Variants in NKAIN3 observed in about 807,000 individuals in gnomAD.
The protein encoded by NKAIN3 is sodium/potassium-transporting ATPase subunit beta-1-interacting protein 3.
NKAIN3 carries 25 observed loss-of-function variants against 30.2 expected under a neutral mutation model. That is an observed-to-expected ratio of 0.83 (90% CI 0.60 to 1.16). The LOEUF is 1.16. Ranked by LOEUF, NKAIN3 falls within the 50% of genes most tolerant of loss-of-function variation. NKAIN3 has a pLI of 0.00. For missense variants in NKAIN3, 225 were observed against 254.1 expected, an observed-to-expected ratio of 0.89 and a Z score of 0.78; for synonymous variants, 91 against 89.6, an observed-to-expected ratio of 1.02 and a Z score of -0.09.
At chr8:62,831,110 A>G (rs1819183095) in intron 4 of NKAIN3, among the ~76,000 whole-genome samples, 1 of 152,206 alleles carries the variant, frequency 6.6e-6, no homozygotes, top group Non-Finnish European at 1.5e-5. Flanking sequence ...AGTTTGAGTT[A>G]CACAGCCCAA....
chr8:62,959,150 A>C (rs904144188), intron 6 of NKAIN3, among the ~76,000 whole-genome samples: 4 of 152,162 alleles, frequency 2.6e-5, no homozygotes. Context: ...CTGCTATTGC[A>C]ACTAGGTACT....
intron 3 of NKAIN3, among the ~76,000 whole-genome samples, chr8:62,679,281 T>C (rs753640005): frequency 2.0e-5 from 3 of 152,042 alleles, no homozygotes; most frequent in African/African-American, 4.8e-5. Flanking sequence ...ATGCTTCCCA[T>C]ACAGAAGTAA....
chr8:62,271,651 T>A (rs947905646), intron 1 of NKAIN3, among the ~76,000 whole-genome samples: 5 of 152,058 alleles, frequency 3.3e-5, no homozygotes, highest in African/African-American at 9.7e-5. Flanking sequence ...ATATGAAGGG[T>A]CTCATTGGTG....
At chr8:62,723,773 T>C (rs968985454) in intron 3 of NKAIN3, among the ~76,000 whole-genome samples, 2 of 152,106 alleles carry the variant, frequency 1.3e-5, no homozygotes, top group Non-Finnish European at 2.9e-5. Flanking sequence ...CACAAGGATA[T>C]ATCTGATTCT....
intron 1 of NKAIN3, among the ~76,000 whole-genome samples, chr8:62,424,575 A>G (rs530076696): frequency 3.9e-5 from 6 of 152,078 alleles, no homozygotes; most frequent in African/African-American, 1.2e-4. Flanking sequence ...CATCAGGGAA[A>G]TGCAAACCAA....
At chr8:62,904,479 T>C (rs1821717329) in intron 4 of NKAIN3, among the ~76,000 whole-genome samples, 1 of 152,206 alleles carries the variant, frequency 6.6e-6, no homozygotes, top group Admixed American at 6.5e-5. Flanking sequence ...TGTTCTCATC[T>C]TTAGTGCATG....
intron 4 of NKAIN3, among the ~76,000 whole-genome samples, chr8:62,914,952 C>T (rs1051995370): frequency 2.6e-5 from 4 of 152,174 alleles, no homozygotes; most frequent in Admixed American, 6.5e-5. Context: ...TCTCCCTCTC[C>T]TTGCCCCCCC....
At chr8:62,288,633 G>C (rs1285116015) in intron 1 of NKAIN3, among the ~76,000 whole-genome samples, 1 of 152,066 alleles carries the variant, frequency 6.6e-6, no homozygotes, top group East Asian at 1.9e-4. Context: ...TCTTAATCCA[G>C]TCTATCATTG....
chr8:62,687,241 CA>C (rs1813825555), intron 3 of NKAIN3, among the ~76,000 whole-genome samples: 1 of 152,186 alleles, frequency 6.6e-6, no homozygotes, highest in African/African-American at 2.4e-5. Flanking sequence ...CAGCAAAAAA[CA>C]GAAGGAAAAC....
At chr8:62,633,068 G>A (rs1436181837) in intron 3 of NKAIN3, among the ~76,000 whole-genome samples, 1 of 151,940 alleles carries the variant, frequency 6.6e-6, no homozygotes, top group African/African-American at 2.4e-5. Flanking sequence ...TTAGAGCAGG[G>A]CCTTGGGAGC....
At chr8:62,284,334 A>G (rs1563918616) in intron 1 of NKAIN3, among the ~76,000 whole-genome samples, 1 of 152,020 alleles carries the variant, frequency 6.6e-6, no homozygotes, top group Non-Finnish European at 1.5e-5. Context: ...GTGCTGGTTA[A>G]AAGGGTAGAC....
chr8:62,665,197 T>A (rs1813061145), intron 3 of NKAIN3, among the ~76,000 whole-genome samples: 1 of 152,156 alleles, frequency 6.6e-6, no homozygotes, highest in Non-Finnish European at 1.5e-5. Context: ...GTAAAACATC[T>A]CAATCTTATT....
chr8:62,742,258 T>C (rs1319469624), intron 3 of NKAIN3, among the ~76,000 whole-genome samples: 2 of 152,182 alleles, frequency 1.3e-5, no homozygotes, highest in African/African-American at 4.8e-5. Context: ...AGGCTAGTTA[T>C]AGGAAACTTA....
At chr8:62,318,528 G>C (rs12216817) in intron 1 of NKAIN3, among the ~76,000 whole-genome samples, 71,751 of 151,986 alleles carry the variant, frequency 0.47, 18,808 homozygotes, top group Non-Finnish European at 0.6. Context: ...GTTGTCAAAG[G>C]CCTTTTCTTC....
At chr8:62,300,900 A>C (rs1814026144) in intron 1 of NKAIN3, among the ~76,000 whole-genome samples, 1 of 152,094 alleles carries the variant, frequency 6.6e-6, no homozygotes, top group Non-Finnish European at 1.5e-5. Flanking sequence ...TTAATGTAGA[A>C]ATCATTACGA....
chr8:62,794,222 T>C (rs1313048277), intron 4 of NKAIN3, among the ~76,000 whole-genome samples: 1 of 152,206 alleles, frequency 6.6e-6, no homozygotes, highest in Non-Finnish European at 1.5e-5. Context: ...GCTTGACTAG[T>C]AATAAGTGGC....
intron 3 of NKAIN3, among the ~76,000 whole-genome samples, chr8:62,723,735 T>C (rs186907166): frequency 6.6e-6 from 1 of 152,254 alleles, no homozygotes; most frequent in East Asian, 1.9e-4. Context: ...GGTGTTCAAA[T>C]TCTTTGAAGC....
At chr8:62,859,458 C>T (rs1820170303) in intron 4 of NKAIN3, among the ~76,000 whole-genome samples, 1 of 124,388 alleles carries the variant, frequency 8.0e-6, no homozygotes, top group Non-Finnish European at 1.6e-5. Flanking sequence ...ACCAGCCATC[C>T]TATCTATTCT....
At position 62,981,652 on chromosome 8, in the gene NKAIN3, C is replaced by T. The variant is rs1824081852; in HGVS notation, c.*16245C>T. The T allele has an allele frequency of 6.6e-6, 1 of 151,526 alleles. No homozygotes were observed. The highest frequency in any genetic ancestry group is 2.1e-4 in the South Asian group (1 of 4,818). The allele number at this position is 151,526 out of a possible 1,614,324, so 9.4% of individuals were successfully genotyped here. ...AAAAAAAAGACAAAAATGGTATTCT[C>T]AGGTGAGCTTACCTTTCAAATTTTT... On this transcript the variant is annotated 3_prime_UTR_variant, in exon 7 of 7. Transcript: ENST00000623646.
Sources: allele counts gnomAD v4.1 joint callset (sites outside exome capture counted in the v4.1 genomes callset), GRCh38; gene constraint gnomAD v4.1.1; transcripts MANE v1.5; gene names NCBI Gene and HGNC (gene_info 2026-07-23, HGNC 2026-07-21).